The following PEX3 variants were observed in gnomAD, a reference collection of about 807,000 sequenced individuals.
PEX3 encodes the protein peroxin-3.
PEX3 carries 30 observed loss-of-function variants against 55.8 expected under a neutral mutation model. The ratio of observed to expected loss-of-function variants is 0.54; its 90% CI spans 0.40 to 0.73. PEX3 has a LOEUF of 0.73. Ranked by LOEUF, PEX3 falls within the 30% of genes least tolerant of loss-of-function variation. The probability of loss-of-function intolerance (pLI) is 0.00; values close to 1 mark genes in which losing one functional copy is unlikely to be tolerated. For missense variants in PEX3, 351 were observed against 432.8 expected (o/e 0.81, Z 1.68); for synonymous variants, 135 against 148.4 (o/e 0.91, Z 0.66).
At chr6:143,460,939 G>A (rs750836346) in intron 2 of PEX3, among the ~76,000 whole-genome samples, 1 of 151,692 alleles carries the variant, frequency 6.6e-6, no homozygotes, top group Non-Finnish European at 1.5e-5. Context: ...ATGGACCCTT[G>A]TGTCAGTTTG....
rs1779743978 is a variant in PEX3, at chr6:143,450,815, G to T, written c.-228G>T. 2.4e-6 allele frequency: 2 copies of T among 826,528 alleles called. No individual in the cohort carries two copies. The highest frequency in any genetic ancestry group is 3.9e-6 in the Non-Finnish European group (2 of 515,910). 51.2% of individuals were successfully genotyped at this position (826,528 alleles called of 1,614,324 possible). A position where few individuals can be genotyped will look rare whatever the true frequency, so the allele number is the denominator to read the frequency against. On this transcript the variant is annotated 5_prime_UTR_variant, in exon 1 of 12. Transcript: ENST00000367591. ...TGGGCTTGTCGGACCAGTGAGCGGC[G>T]GCGGCTGCGCGGCGGCAGCGGCAGA...
chr6:143,472,057 C>G (rs981173937), intron 7 of PEX3, 103 bp from the exon 8 acceptor site: 13 of 807,840 alleles, frequency 1.6e-5, no homozygotes, highest in Non-Finnish European at 2.3e-5. Flanking sequence ...CAGGTGTAAG[C>G]AGAAGAAACA....
chr6:143,479,799 C>A lies in PEX3; in HGVS notation c.941+601C>A, dbSNP rs1223944195. Reference sequence around the variant, plus strand: ...TTACGGTTTTTTATATCTTTGTTATCCCAACACAAATATCTTTGGTCTCAT... The same window carrying A: ...TTACGGTTTTTTATATCTTTGTTATACCAACACAAATATCTTTGGTCTCAT... On this transcript the variant is annotated intron_variant, in intron 10 of 11. Coordinates refer to ENST00000367591, the MANE Select transcript of PEX3 (RefSeq NM_003630.3). This position sits in a 1 kb window ranked among gnomAD's most constrained non-coding sequence, Gnocchi z 4.6. 1.3e-5 allele frequency among the ~76,000 whole-genome samples: 2 copies of A among 151,948 alleles called. No homozygotes were observed. The highest frequency in any genetic ancestry group is 6.6e-5 in the Admixed American group (1 of 15,250).
chr6:143,477,339 C>T (rs1000018517), intron 9 of PEX3, among the ~76,000 whole-genome samples: 3 of 152,216 alleles, frequency 2.0e-5, no homozygotes, highest in African/African-American at 7.2e-5. Flanking sequence ...GTTTAGCTCA[C>T]CAATGTATCT....
intron 7 of PEX3, 102 bp from the exon 8 acceptor site, chr6:143,472,058 A>T: frequency 1.2e-6 from 1 of 816,704 alleles, no homozygotes; most frequent in Non-Finnish European, 2.1e-6. Context: ...AGGTGTAAGC[A>T]GAAGAAACAG....
At chr6:143,480,440 G>A (rs1334637322) in intron 10 of PEX3, among the ~76,000 whole-genome samples, 1 of 152,164 alleles carries the variant, frequency 6.6e-6, no homozygotes, top group Non-Finnish European at 1.5e-5. Flanking sequence ...CTGAACTATA[G>A]TAATCATTAT....
At position 143,464,099 on chromosome 6, in the gene PEX3, TC is replaced by T; in HGVS notation, c.287+1103del. Among the ~76,000 whole-genome samples the T allele has an allele frequency of 6.6e-6, 1 of 152,100 alleles. No homozygotes were observed. Among genetic ancestry groups the T allele is most frequent in the Non-Finnish European group, 1.5e-5 (1 of 67,944 alleles). ...TATAAGGTTTAGCTTATAAATTAGTTCATACAGTTTTATGAAGAAGAAACAT... is the reference window on the plus strand; with the variant it reads ...TATAAGGTTTAGCTTATAAATTAGTTATACAGTTTTATGAAGAAGAAACAT... On this transcript the variant is annotated intron_variant, in intron 3 of 11. Coordinates refer to ENST00000367591, the MANE Select transcript of PEX3 (RefSeq NM_003630.3). This position sits in a 1 kb window ranked among gnomAD's most constrained non-coding sequence, Gnocchi z 5.8.
rs1780256783 is a variant in PEX3 at position 143,482,604 on chromosome 6, CT to C, written c.942-2544del. Reference sequence around the variant, plus strand: ...TTGGAAAAGAAGAGCAATGGATATGCTTTTCCTATATAATATATAATATAAG... The same window carrying C: ...TTGGAAAAGAAGAGCAATGGATATGCTTTCCTATATAATATATAATATAAG... On this transcript the variant is annotated intron_variant, in intron 10 of 11. Transcript: ENST00000367591. This position sits in a 1 kb window ranked among gnomAD's most constrained non-coding sequence, Gnocchi z 5.5. Among the ~76,000 whole-genome samples, 1 of 151,684 alleles carries C rather than the reference CT, an allele frequency of 6.6e-6. No individual in the cohort carries two copies. The highest frequency in any genetic ancestry group is 2.4e-5 in the African/African-American group (1 of 41,314).
In PEX3 at chr6:143,462,085, T is replaced by C. The variant is rs538914047; in HGVS notation, c.206-831T>C. ...TTTCTCTAATCCCATGACAGATTCT[T>C]ATTCTCCAGCATTTCTTATTCCACA... On this transcript the variant is annotated intron_variant, in intron 2 of 11. Transcript: ENST00000367591. The surrounding 1 kb of genome is among the most constrained non-coding windows in gnomAD (Gnocchi z 4.1). 8.5e-5 allele frequency among the ~76,000 whole-genome samples: 13 copies of C among 152,358 alleles called. No individual in the cohort carries two copies. In the South Asian group the frequency reaches 2.7e-3, roughly 32 times the overall value.
Position 143,488,512 on chromosome 6 carries a change from A to G in PEX3, c.1039-631A>G, listed in dbSNP as rs1214470553. ...ACTGTCATATGACATGAAAATGCCT[A>G]TGATTTCTATTGAAGACAAAGTCAT... On this transcript the variant is annotated intron_variant, in intron 11 of 11. Coordinates refer to ENST00000367591, the MANE Select transcript of PEX3 (RefSeq NM_003630.3). This position sits in a 1 kb window ranked among gnomAD's most constrained non-coding sequence, Gnocchi z 4.9. 2.6e-5 allele frequency among the ~76,000 whole-genome samples: 4 copies of G among 152,120 alleles called. No homozygotes were observed. Among genetic ancestry groups the G allele is most frequent in the South Asian group, 2.1e-4 (1 of 4,828 alleles).
chr6:143,484,354 T>C (rs1486396637), intron 10 of PEX3, among the ~76,000 whole-genome samples: 2 of 152,122 alleles, frequency 1.3e-5, no homozygotes, highest in African/African-American at 2.4e-5. Flanking sequence ...TGGCACTTAT[T>C]TGAATATAGG....
Position 143,466,779 on chromosome 6 carries a change from A to G in PEX3, c.288-1343A>G, listed in dbSNP as rs1779998235. ...TCTAAGGGGGCAGATATAAATGTAT[A>G]TATACATATTCACTTATATAAAGCA... On this transcript the variant is annotated intron_variant, in intron 3 of 11. Transcript: ENST00000367591. This position sits in a 1 kb window ranked among gnomAD's most constrained non-coding sequence, Gnocchi z 5.4. 6.6e-6 allele frequency among the ~76,000 whole-genome samples: 1 copy of G among 152,062 alleles called. No individual in the cohort carries two copies. Among genetic ancestry groups the G allele is most frequent in the Non-Finnish European group, 1.5e-5 (1 of 67,922 alleles).
In PEX3 at chr6:143,451,513, T is replaced by C. The variant is rs1282723950; in HGVS notation, c.73+398T>C. On this transcript the variant is annotated intron_variant, in intron 1 of 11. Coordinates refer to ENST00000367591, the MANE Select transcript of PEX3 (RefSeq NM_003630.3). The surrounding 1 kb of genome is among the most constrained non-coding windows in gnomAD (Gnocchi z 4.1). Reference sequence around the variant, plus strand: ...TTTGGCTCTCACCCTTCTCAGGAGTTTAATAATAATCTAGGGAAGTTACCT... The same window carrying C: ...TTTGGCTCTCACCCTTCTCAGGAGTCTAATAATAATCTAGGGAAGTTACCT... Among the ~76,000 whole-genome samples the C allele has an allele frequency of 6.6e-6, 1 of 152,198 alleles. No individual in the cohort carries two copies. Among genetic ancestry groups the C allele is most frequent in the African/African-American group, 2.4e-5 (1 of 41,456 alleles).
rs2128747886 is a variant in PEX3 at position 143,483,712 on chromosome 6, A to C, written c.942-1440A>C. ...CTGGTTTGTGGAAAAGGAATTGGGT[A>C]AACAGGGACTGGGGCAGGACAGACA... On this transcript the variant is annotated intron_variant, in intron 10 of 11. Coordinates refer to ENST00000367591, the MANE Select transcript of PEX3 (RefSeq NM_003630.3). This position sits in a 1 kb window ranked among gnomAD's most constrained non-coding sequence, Gnocchi z 4.3. 6.6e-6 allele frequency among the ~76,000 whole-genome samples: 1 copy of C among 152,282 alleles called. No individual in the cohort carries two copies. The highest frequency in any genetic ancestry group is 2.1e-4 in the South Asian group (1 of 4,824).
intron 4 of PEX3, among the ~76,000 whole-genome samples, chr6:143,469,304 TG>T (rs1780038808): frequency 6.6e-6 from 1 of 152,164 alleles, no homozygotes; most frequent in Non-Finnish European, 1.5e-5. Flanking sequence ...AGTGTAAAAG[TG>T]TTCCTATTTC....
chr6:143,468,203 A>C, intron 4 of PEX3, 38 bp downstream of exon 4: 1 of 1,354,148 alleles, frequency 7.4e-7, no homozygotes, highest in East Asian at 2.3e-5. Context: ...ACATCCTTAA[A>C]ATATTTATAA....
intron 4 of PEX3, among the ~76,000 whole-genome samples, chr6:143,470,419 C>T (rs1277881339): frequency 6.6e-6 from 1 of 152,186 alleles, no homozygotes; most frequent in East Asian, 1.9e-4. Context: ...ATCTGCTGGA[C>T]ATTTTCCTTC....
At position 143,453,293 on chromosome 6, in the gene PEX3, C is replaced by G. The variant is rs560762485; in HGVS notation, c.73+2178C>G. The stretch of plus-strand genomic sequence containing the variant: ...GGAAGAAGAGACACATTTTGACAGG[C>G]TTGAAAGCTGGGTAGTATATCAACA... On this transcript the variant is annotated intron_variant, in intron 1 of 11. Transcript: ENST00000367591. The surrounding 1 kb of genome is among the most constrained non-coding windows in gnomAD (Gnocchi z 4.6). 1.1e-4 allele frequency among the ~76,000 whole-genome samples: 16 copies of G among 152,258 alleles called. No individual in the cohort carries two copies. In the East Asian group the frequency reaches 2.9e-3, roughly 28 times the overall value.
intron 2 of PEX3, among the ~76,000 whole-genome samples, chr6:143,461,285 T>C (rs950149632): frequency 6.6e-6 from 1 of 152,144 alleles, no homozygotes; most frequent in Admixed American, 6.5e-5. Context: ...GCAAACATGG[T>C]GATGGATCCA....
Sources: allele counts gnomAD v4.1 joint callset (sites outside exome capture counted in the v4.1 genomes callset), GRCh38; gene constraint gnomAD v4.1.1; non-coding constraint Gnocchi (gnomAD v3.1); transcripts MANE v1.5; gene names NCBI Gene and HGNC (gene_info 2026-07-23, HGNC 2026-07-21).